CTCF: variants seen among roughly 807,000 people sequenced by gnomAD.
The protein encoded by CTCF is CCCTC-binding factor, also known as transcriptional repressor CTCF.
Under a neutral mutation model 72.3 loss-of-function variants are expected in CTCF, and 7 were observed. The ratio of observed to expected loss-of-function variants is 0.10; its 90% confidence interval spans 0.06 to 0.18. The LOEUF is 0.18. Among genes scored for constraint, CTCF ranks in the 10% least tolerant of loss-of-function variants. The pLI is 1.00. For synonymous variants in CTCF, 374 were observed against 315.8 expected (o/e 1.18, Z -1.95); for missense variants, 516 against 949.1 (o/e 0.54, Z 6.00).
intron 7 of CTCF, among the ~76,000 whole-genome samples, 157 bp downstream of exon 7, chr16:67,621,748 CTTTTTT>C (rs34853932): frequency 1.6e-5 from 2 of 121,358 alleles, no homozygotes; most frequent in East Asian, 2.2e-4. Flanking sequence ...TGCTTAGCTG[CTTTTTT>C]TTTTTTTTTT....
At chr16:67,589,980 AG>A (rs1222012214) in intron 2 of CTCF, among the ~76,000 whole-genome samples, 3 of 152,110 alleles carry the variant, frequency 2.0e-5, no homozygotes, top group African/African-American at 7.2e-5. Context: ...CCAGCTACTC[AG>A]GAGGCTGAGA....
At position 67,581,906 on chromosome 16, in the gene CTCF, G is replaced by A. The variant is rs150155098; in HGVS notation, c.-10+10642G>A. 1.6e-4 allele frequency among the ~76,000 whole-genome samples: 25 copies of A among 152,292 alleles called. No homozygotes were observed. The East Asian group carries it at 4.3e-3, about 26-fold the overall frequency. ...GAAAGTGCTGGGGTTACAGGTGTGA[G>A]CCACCTCACACAGCCTCTGTTAGAT... On this transcript the variant is annotated intron_variant, in intron 2 of 11. Coordinates refer to ENST00000264010, the MANE Select transcript of CTCF (RefSeq NM_006565.4).
chr16:67,573,771 G>T (rs559230707), intron 2 of CTCF, among the ~76,000 whole-genome samples: 7 of 152,222 alleles, frequency 4.6e-5, no homozygotes, highest in African/African-American at 1.7e-4. Context: ...AGTGGCTCAT[G>T]CCTGTAATCC....
chr16:67,628,551 G>A lies in CTCF; in HGVS notation c.1700G>A (p.Arg567Gln), dbSNP rs761621858. ...AAGTGTGGGAAAACATTTACACGTC[G>A]GGTAAGGGTCAGAACTTCACTTTGC... Reference protein sequence around the residue: ...CSKCGKTFTRRNTMARHADNC... With the variant: ...CSKCGKTFTRQNTMARHADNC... Residue 567 changes from arginine (R) to glutamine (Q), a missense_variant and splice_region_variant, in exon 9 of 12, where the codon CGG becomes CAG. Around this residue, in one of 7 missense-constraint regions of CTCF, gnomAD observed 81 missense variants for 184.3 expected, o/e 0.44. Coordinates refer to ENST00000264010, the MANE Select transcript of CTCF (RefSeq NM_006565.4). The A allele has an allele frequency of 1.9e-6, 3 of 1,613,726 alleles. No homozygotes were observed. Among genetic ancestry groups the A allele is most frequent in the Non-Finnish European group, 2.5e-6 (3 of 1,179,648 alleles).
chr16:67,637,680 T>C lies in CTCF; in HGVS notation c.2000-8T>C, dbSNP rs979947177. On this transcript the variant is annotated splice_region_variant and splice_polypyrimidine_tract_variant and intron_variant, in intron 11 of 11. Transcript: ENST00000264010. The stretch of plus-strand genomic sequence containing the variant: ...ACCATTTGTTCTGTCTGTGCTCTTC[T>C]TTGCCAGCAACAGCTATCATTCAGG... 2 of 1,609,662 alleles carry C rather than the reference T, an allele frequency of 1.2e-6. No homozygotes were observed. The highest frequency in any genetic ancestry group is 3.4e-5 in the Admixed American group (2 of 59,524).
intron 1 of CTCF, among the ~76,000 whole-genome samples, chr16:67,565,806 T>C (rs764344066): frequency 5.9e-5 from 9 of 152,190 alleles, no homozygotes; most frequent in Non-Finnish European, 8.8e-5. Context: ...GGATTTTATT[T>C]TAAAGTACAC....
At chr16:67,596,097 G>T (rs1263939113) in intron 2 of CTCF, among the ~76,000 whole-genome samples, 1 of 152,036 alleles carries the variant, frequency 6.6e-6, no homozygotes, top group Non-Finnish European at 1.5e-5. Flanking sequence ...GGGTCTATAG[G>T]TGCACGCCGC....
At chr16:67,594,488 C>T (rs528877517) in intron 2 of CTCF, among the ~76,000 whole-genome samples, 1 of 151,990 alleles carries the variant, frequency 6.6e-6, no homozygotes, top group South Asian at 2.1e-4. Flanking sequence ...ATCCCTTGAG[C>T]CCAGGGGTTC....
In CTCF at chr16:67,611,943, G is replaced by T. The variant is rs765830499; in HGVS notation, c.782-8G>T. ...CTGCAGCAAGTAAGTGTTTTATTTTGCACATAGGTGTAAAGAAGACATTCC... is the reference window on the plus strand; with the variant it reads ...CTGCAGCAAGTAAGTGTTTTATTTTTCACATAGGTGTAAAGAAGACATTCC... On this transcript the variant is annotated splice_polypyrimidine_tract_variant and splice_region_variant and intron_variant, in intron 3 of 11. Transcript: ENST00000264010. 4 of 1,612,672 alleles carry T rather than the reference G, an allele frequency of 2.5e-6. No individual in the cohort carries two copies. Among genetic ancestry groups the T allele is most frequent in the Non-Finnish European group, 2.5e-6 (3 of 1,178,854 alleles).
At chr16:67,621,868 C>T (rs1207194645) in intron 7 of CTCF, among the ~76,000 whole-genome samples, 1 of 150,040 alleles carries the variant, frequency 6.7e-6, no homozygotes, top group Non-Finnish European at 1.5e-5. Context: ...AGACAGAGTA[C>T]ACCTTTAATT....
intron 4 of CTCF, 124 bp from the exon 5 acceptor site, chr16:67,616,621 A>G: frequency 9.1e-7 from 1 of 1,096,708 alleles, no homozygotes; most frequent in Non-Finnish European, 1.3e-6. Flanking sequence ...ATCTGCTTTC[A>G]AGCTACTGCA....
intron 2 of CTCF, among the ~76,000 whole-genome samples, chr16:67,586,139 G>T (rs893236663): frequency 6.6e-6 from 1 of 152,092 alleles, no homozygotes; most frequent in Non-Finnish European, 1.5e-5. Flanking sequence ...AGTGGCTCAC[G>T]CCTATAATTC....
At chr16:67,566,162 CA>C (rs1242193307) in intron 1 of CTCF, among the ~76,000 whole-genome samples, 2 of 152,082 alleles carry the variant, frequency 1.3e-5, no homozygotes, top group East Asian at 3.9e-4. Flanking sequence ...TTAAAAAGAA[CA>C]ATAATGGCAA....
chr16:67,563,475 C>T (rs1442728958), intron 1 of CTCF: 1 of 152,304 alleles, frequency 6.6e-6, no homozygotes, highest in East Asian at 1.9e-4. Context: ...GCTGCTCGCA[C>T]CTCTACGCTG....
intron 2 of CTCF, among the ~76,000 whole-genome samples, chr16:67,592,648 T>C (rs2051760464): frequency 6.6e-6 from 1 of 151,808 alleles, no homozygotes; most frequent in African/African-American, 2.4e-5. Context: ...GAAGTCGCAG[T>C]GAGCCAAGAT....
At chr16:67,624,164 T>C (rs1328957873) in intron 7 of CTCF, among the ~76,000 whole-genome samples, 1 of 151,282 alleles carries the variant, frequency 6.6e-6, no homozygotes, top group East Asian at 1.9e-4. Context: ...TGTGTATATA[T>C]ATATGTATTC....
chr16:67,619,065 G>A (rs1900032844), intron 5 of CTCF, among the ~76,000 whole-genome samples: 1 of 152,202 alleles, frequency 6.6e-6, no homozygotes, highest in Admixed American at 6.5e-5. Flanking sequence ...GTTAAATAGG[G>A]AAATCTTGAA....
At chr16:67,632,074 CAAAAA>C (rs556248338) in intron 10 of CTCF, among the ~76,000 whole-genome samples, 4 of 96,360 alleles carry the variant, frequency 4.2e-5, no homozygotes, top group African/African-American at 1.2e-4. Context: ...ACCCTGTCTC[CAAAAA>C]AAAAAAAAAA....
Position 67,616,735 on chromosome 16 carries a change from C to G in CTCF, c.953-10C>G. 1 of 1,614,000 alleles carries G rather than the reference C, an allele frequency of 6.2e-7. No homozygotes were observed. Among genetic ancestry groups the G allele is most frequent in the Non-Finnish European group, 8.5e-7 (1 of 1,179,874 alleles). ...ATCTTGCTCTTCCTGTTACTCCATC[C>G]TTTCTCTAGGTACTCGTCCTCACAA... is the stretch of plus-strand genomic sequence containing the variant. On this transcript the variant is annotated splice_polypyrimidine_tract_variant and intron_variant, in intron 4 of 11. Transcript: ENST00000264010.
Sources: gnomAD v4.1 joint callset for allele counts (sites outside exome capture counted in the v4.1 genomes callset) on GRCh38, gnomAD v4.1.1 for gene constraint, gnomAD v4.1.1 regional missense constraint, MANE v1.5 for transcripts, NCBI Gene and HGNC (gene_info 2026-07-23, HGNC 2026-07-21) for gene names.